IL1RAPL2: variants seen among roughly 807,000 people sequenced by gnomAD.
IL1RAPL2 encodes interleukin 1 receptor accessory protein like 2, also known as X-linked interleukin-1 receptor accessory protein-like 2.
Under a neutral mutation model 44.1 loss-of-function variants are expected in IL1RAPL2, and 3 were observed. The observed-to-expected ratio is 0.07, with a 90% CI of 0.03 to 0.18. IL1RAPL2 has a LOEUF of 0.18. Ranked by LOEUF, IL1RAPL2 falls within the 10% of genes least tolerant of loss-of-function variation. The pLI, the probability that IL1RAPL2 is intolerant of heterozygous loss-of-function variation, is 1.00. For missense variants in IL1RAPL2, 391 were observed against 496.4 expected (o/e 0.79, Z 2.02); for synonymous variants, 181 against 178.8 (o/e 1.01, Z -0.10).
intron 1 of IL1RAPL2, among the ~76,000 whole-genome samples, chrX:104,585,387 T>A (rs866560228): frequency 0.014 from 349 of 24,662 alleles, 21 homozygotes; most frequent in African/African-American, 0.11. Flanking sequence ...TAATATATAT[T>A]ATATATAATA....
At chrX:105,732,906 G>A (rs2038417341) in intron 7 of IL1RAPL2, among the ~76,000 whole-genome samples, 1 of 111,069 alleles carries the variant, frequency 9.0e-6, no homozygotes, top group African/African-American at 3.3e-5. Flanking sequence ...ACTGTTGCCT[G>A]TTAGATACGG....
intron 6 of IL1RAPL2, among the ~76,000 whole-genome samples, chrX:105,609,896 A>G (rs987031137): frequency 8.9e-6 from 1 of 112,165 alleles, no homozygotes; most frequent in Non-Finnish European, 1.9e-5. Flanking sequence ...ATTAGAATAG[A>G]TAACAGTCTA....
At chrX:105,456,730 TCCC>T (rs2036057453) in intron 5 of IL1RAPL2, among the ~76,000 whole-genome samples, 1 of 111,338 alleles carries the variant, frequency 9.0e-6, no homozygotes, top group Admixed American at 9.6e-5. Context: ...TTTAGCTACA[TCCC>T]ATCTATTGAT....
At chrX:105,538,563 C>A (rs1279442298) in intron 6 of IL1RAPL2, among the ~76,000 whole-genome samples, 1 of 111,558 alleles carries the variant, frequency 9.0e-6, no homozygotes, top group East Asian at 2.8e-4. Context: ...TTCACATTAC[C>A]TTCTTTCCTT....
intron 6 of IL1RAPL2, among the ~76,000 whole-genome samples, chrX:105,635,308 G>A (rs2037515825): frequency 9.0e-6 from 1 of 111,420 alleles, no homozygotes; most frequent in South Asian, 3.7e-4. Flanking sequence ...GAGAAAGAAC[G>A]AATAGGCCAA....
At chrX:104,948,551 G>A (rs1162299135) in intron 2 of IL1RAPL2, among the ~76,000 whole-genome samples, 2 of 106,627 alleles carry the variant, frequency 1.9e-5, no homozygotes, top group African/African-American at 6.8e-5. Context: ...ATTGGCTGTG[G>A]GTTTGTCATA....
In IL1RAPL2 at chrX:104,846,360, C is replaced by T. The variant is rs369263151; in HGVS notation, c.82+187365C>T. ...ATCCCTCCCCCCTCTCCCCACCCCA[C>T]GACAGGCCCCGGTGTGTGATGTTCC... On this transcript the variant is annotated intron_variant, in intron 2 of 10. Transcript: ENST00000372582. Among the ~76,000 whole-genome samples the T allele has an allele frequency of 2.9e-4, 32 of 109,247 alleles. No homozygotes were observed. In the East Asian group the frequency reaches 5.8e-3, roughly 20 times the overall value. 94.9% of individuals were successfully genotyped at this position (109,247 alleles called of 115,157 possible). A position where few individuals can be genotyped will look rare whatever the true frequency, so the allele number is the denominator to read the frequency against.
intron 3 of IL1RAPL2, among the ~76,000 whole-genome samples, chrX:105,230,506 T>C (rs1556194652): frequency 9.3e-6 from 1 of 108,032 alleles, no homozygotes; most frequent in Non-Finnish European, 1.9e-5. Flanking sequence ...TAATTATACA[T>C]ATATATAATT....
intron 2 of IL1RAPL2, among the ~76,000 whole-genome samples, chrX:104,991,050 A>T (rs1230414436): frequency 9.0e-6 from 1 of 111,279 alleles, no homozygotes; most frequent in Non-Finnish European, 1.9e-5. Flanking sequence ...AGGCATTAGG[A>T]CATAACTTTC....
intron 1 of IL1RAPL2, among the ~76,000 whole-genome samples, chrX:104,604,772 A>T (rs929824537): frequency 9.0e-6 from 1 of 111,056 alleles, no homozygotes; most frequent in African/African-American, 3.3e-5. Context: ...ATAACTAACT[A>T]TCCTATATAT....
intron 5 of IL1RAPL2, among the ~76,000 whole-genome samples, chrX:105,353,625 A>T (rs1382559719): frequency 3.6e-5 from 4 of 110,847 alleles, no homozygotes; most frequent in African/African-American, 9.8e-5. Context: ...TGGTTTGTGG[A>T]TCTCCTTGAA....
At chrX:105,154,652 T>G (rs888807636) in intron 2 of IL1RAPL2, among the ~76,000 whole-genome samples, 3 of 111,705 alleles carry the variant, frequency 2.7e-5, no homozygotes, top group Non-Finnish European at 3.8e-5. Context: ...TTTGTTACAC[T>G]CTATTATTTC....
At chrX:105,269,452 G>A (rs1451606083) in intron 5 of IL1RAPL2, among the ~76,000 whole-genome samples, 1 of 110,737 alleles carries the variant, frequency 9.0e-6, no homozygotes, top group Non-Finnish European at 1.9e-5. Context: ...ACTAATAAAT[G>A]ATAGTTTTAC....
intron 2 of IL1RAPL2, among the ~76,000 whole-genome samples, chrX:105,029,083 A>G (rs192983416): frequency 9.1e-6 from 1 of 109,630 alleles, no homozygotes; most frequent in Non-Finnish European, 1.9e-5. Context: ...TATGAAGTCT[A>G]ATTATCATTC....
At chrX:104,941,861 T>C (rs924896925) in intron 2 of IL1RAPL2, among the ~76,000 whole-genome samples, 3 of 112,116 alleles carry the variant, frequency 2.7e-5, no homozygotes, top group African/African-American at 9.7e-5. Context: ...TAATCCATCT[T>C]GAATTAATTG....
chrX:105,247,591 GTA>G lies in IL1RAPL2; in HGVS notation c.543+13599_543+13600del, dbSNP rs746336838. On this transcript the variant is annotated intron_variant, in intron 4 of 10. Transcript: ENST00000372582. ...CACTAAATAGAATAGAAGTGTGTGT[GTA>G]TATATATATATGTGTGTGTGTGTGT... Among the ~76,000 whole-genome samples the G allele has an allele frequency of 1.5e-3, 155 of 100,626 alleles. 1 individual carries two copies. The East Asian group carries it at 0.019, about 12-fold the overall frequency. The allele number at this position is 100,626 out of a possible 115,157, so 87.4% of individuals were successfully genotyped here.
intron 6 of IL1RAPL2, among the ~76,000 whole-genome samples, chrX:105,572,922 T>C (rs1011894470): frequency 4.8e-4 from 54 of 112,182 alleles, no homozygotes; most frequent in African/African-American, 1.7e-3. Flanking sequence ...AAGAAAAGTT[T>C]AGATGTGAAG....
intron 5 of IL1RAPL2, among the ~76,000 whole-genome samples, chrX:105,460,934 G>T (rs1483073521): frequency 9.0e-6 from 1 of 111,571 alleles, no homozygotes; most frequent in Non-Finnish European, 1.9e-5. Context: ...TAGTTAAAAT[G>T]GGTGACTTTA....
chrX:104,839,272 G>A (rs1489333029), intron 2 of IL1RAPL2, among the ~76,000 whole-genome samples: 1 of 111,506 alleles, frequency 9.0e-6, no homozygotes, highest in African/African-American at 3.3e-5. Context: ...TTTATTGAGA[G>A]TTTTTAGTAT....
Sources: allele counts gnomAD v4.1 joint callset (sites outside exome capture counted in the v4.1 genomes callset), GRCh38; gene constraint gnomAD v4.1.1; transcripts MANE v1.5; gene names NCBI Gene and HGNC (gene_info 2026-07-23, HGNC 2026-07-21).